Variants in KIFAP3 observed in about 807,000 individuals in gnomAD.
KIFAP3 encodes kinesin associated protein 3.
In KIFAP3, 68 loss-of-function variants were observed where a neutral mutation model predicts 106.5. That is an observed-to-expected ratio of 0.64 (90% CI 0.53 to 0.78). The LOEUF (loss-of-function observed/expected upper bound fraction) is 0.78. KIFAP3 is among the 30% of genes least tolerant of loss of function. The probability of loss-of-function intolerance (pLI) is 0.00; values close to 1 mark genes in which losing one functional copy is unlikely to be tolerated. For synonymous variants in KIFAP3, 320 were observed against 311.5 expected (o/e 1.03, Z -0.29); for missense variants, 780 against 941.8 (o/e 0.83, Z 2.25).
At chr1:169,967,324 C>T (rs1419128224) in intron 17 of KIFAP3, among the ~76,000 whole-genome samples, 1 of 151,584 alleles carries the variant, frequency 6.6e-6, no homozygotes, top group Non-Finnish European at 1.5e-5. Context: ...TTATTTTTTT[C>T]CCTTTTCCAT....
chr1:170,053,046 T>C (rs1670654326), intron 2 of KIFAP3, among the ~76,000 whole-genome samples: 1 of 152,158 alleles, frequency 6.6e-6, no homozygotes, highest in South Asian at 2.1e-4. Context: ...AGTGAAGAAG[T>C]CAAATTGTCT....
At chr1:169,922,655 C>T (rs1662889452) in intron 19 of KIFAP3, among the ~76,000 whole-genome samples, 1 of 152,108 alleles carries the variant, frequency 6.6e-6, no homozygotes, top group African/African-American at 2.4e-5. Context: ...TTTATTTTGC[C>T]AGGCAGAACA....
intron 10 of KIFAP3, among the ~76,000 whole-genome samples, chr1:170,000,966 T>A (rs535479598): frequency 1.3e-5 from 2 of 151,478 alleles, no homozygotes; most frequent in African/African-American, 4.8e-5. Flanking sequence ...TTTAAAAGTA[T>A]GAGAAACTAA....
intron 9 of KIFAP3, among the ~76,000 whole-genome samples, chr1:170,023,471 C>T (rs115758779): frequency 0.018 from 2,793 of 152,076 alleles, 72 homozygotes; most frequent in African/African-American, 0.063. Context: ...AAAAATTATC[C>T]TCAATGGAGT....
At chr1:170,001,642 T>C (rs1667674165) in intron 10 of KIFAP3, among the ~76,000 whole-genome samples, 2 of 152,140 alleles carry the variant, frequency 1.3e-5, no homozygotes, top group South Asian at 4.1e-4. Context: ...CTATGAGGAG[T>C]TGTGTTCTGA....
chr1:169,956,566 CTCTT>C (rs1665021256), intron 18 of KIFAP3, among the ~76,000 whole-genome samples: 1 of 149,502 alleles, frequency 6.7e-6, no homozygotes, highest in Non-Finnish European at 1.5e-5. Context: ...AATATGTCTA[CTCTT>C]ATGTGAATAA....
intron 19 of KIFAP3, among the ~76,000 whole-genome samples, chr1:169,953,301 A>G (rs1373329510): frequency 6.6e-6 from 1 of 152,164 alleles, no homozygotes; most frequent in East Asian, 1.9e-4. Flanking sequence ...CTAGGGAGGA[A>G]AAGTCTTCAA....
intron 19 of KIFAP3, among the ~76,000 whole-genome samples, chr1:169,924,162 T>G (rs1662992997): frequency 1.3e-5 from 2 of 152,212 alleles, no homozygotes; most frequent in Admixed American, 1.3e-4. Context: ...TCATGCACAT[T>G]GTTGATAAAA....
At chr1:169,954,836 A>G (rs1356402407) in intron 18 of KIFAP3, among the ~76,000 whole-genome samples, 1 of 152,132 alleles carries the variant, frequency 6.6e-6, no homozygotes, top group African/African-American at 2.4e-5. Flanking sequence ...TAGTATGCTT[A>G]TTATTCTTTG....
chr1:169,931,257 A>T (rs1663459666), intron 19 of KIFAP3, among the ~76,000 whole-genome samples: 1 of 152,186 alleles, frequency 6.6e-6, no homozygotes, highest in African/African-American at 2.4e-5. Flanking sequence ...CAAGGAAAAA[A>T]ATATAAATTT....
Position 170,065,024 on chromosome 1 carries a change from C to G in KIFAP3, c.32+9412G>C, listed in dbSNP as rs188639736. On this transcript the variant is annotated intron_variant, in intron 1 of 19. Coordinates refer to ENST00000361580, the MANE Select transcript of KIFAP3 (RefSeq NM_014970.4). ...GGAGTATCCTTTTTTTTCTAGACTT[C>G]TTGGAAGAGTTGTACATAATTGGAA... is the stretch of plus-strand genomic sequence containing the variant. 3.9e-5 allele frequency among the ~76,000 whole-genome samples: 6 copies of G among 151,964 alleles called. No individual in the cohort carries two copies. In the East Asian group the frequency reaches 1.2e-3, roughly 29 times the overall value.
At chr1:169,995,878 C>T (rs1667345293) in intron 10 of KIFAP3, among the ~76,000 whole-genome samples, 2 of 151,822 alleles carry the variant, frequency 1.3e-5, no homozygotes, top group Admixed American at 6.6e-5. Context: ...AAGGGAAATT[C>T]TCTAATTAAT....
chr1:169,991,111 G>T (rs747735542), intron 11 of KIFAP3, among the ~76,000 whole-genome samples: 1 of 152,012 alleles, frequency 6.6e-6, no homozygotes, highest in Non-Finnish European at 1.5e-5. Context: ...GGACAAGCGG[G>T]GGAAGATTAC....
At position 170,039,226 on chromosome 1, in the gene KIFAP3, G is replaced by A; in HGVS notation, c.375+7C>T. The A allele has an allele frequency of 1.9e-6, 3 of 1,578,516 alleles. No individual in the cohort carries two copies. Among genetic ancestry groups the A allele is most frequent in the Non-Finnish European group, 2.6e-6 (3 of 1,153,314 alleles). The stretch of plus-strand genomic sequence containing the variant: ...CCTCTATTAGATCAGAATGCATGCA[G>A]TCTTACCTCCATTCCTTCAAAAGGA... On this transcript the variant is annotated splice_region_variant and intron_variant, in intron 4 of 19. Transcript: ENST00000361580.
intron 10 of KIFAP3, among the ~76,000 whole-genome samples, chr1:169,995,459 T>G (rs920126064): frequency 6.6e-6 from 1 of 152,140 alleles, no homozygotes; most frequent in African/African-American, 2.4e-5. Flanking sequence ...TGTGGATAAG[T>G]CCTAGTCTTA....
Position 170,024,525 on chromosome 1 carries a change from C to T in KIFAP3, c.913G>A (p.Val305Ile). The change falls in exon 9 of 20, where the codon GTT (valine) becomes ATT (isoleucine). Residue 305 changes from valine (V) to isoleucine (I), a missense_variant. By Grantham distance (29) the Val-to-Ile change is conservative. Coordinates refer to ENST00000361580, the MANE Select transcript of KIFAP3 (RefSeq NM_014970.4). ...TCAAGGGCTTTCACCAACATGTGAA[C>T]TATGTTCTTGTTCCTCATTTTCAGT... ...TELKMRNKNI[V>I]HMLVKALDRD... 1.2e-6 allele frequency: 2 copies of T among 1,606,530 alleles called. No individual in the cohort carries two copies. Among genetic ancestry groups the T allele is most frequent in the South Asian group, 1.1e-5 (1 of 89,918 alleles).
chr1:170,062,126 A>C (rs1167516910), intron 1 of KIFAP3, among the ~76,000 whole-genome samples: 7 of 152,004 alleles, frequency 4.6e-5, no homozygotes, highest in Non-Finnish European at 1.0e-4. Flanking sequence ...ACAAACCTGC[A>C]CGTTGTGCAC....
chr1:169,962,843 TA>T (rs1285909855), intron 17 of KIFAP3, among the ~76,000 whole-genome samples: 1 of 152,208 alleles, frequency 6.6e-6, no homozygotes, highest in African/African-American at 2.4e-5. Flanking sequence ...AATGTACATT[TA>T]AAAAATATAT....
intron 16 of KIFAP3, among the ~76,000 whole-genome samples, chr1:169,976,576 A>G (rs917307294): frequency 2.6e-5 from 4 of 152,172 alleles, no homozygotes; most frequent in Non-Finnish European, 5.9e-5. Flanking sequence ...AACCATATTA[A>G]AAATATTTAT....
Sources: gnomAD v4.1 joint callset for allele counts (sites outside exome capture counted in the v4.1 genomes callset) on GRCh38, gnomAD v4.1.1 for gene constraint, MANE v1.5 for transcripts, NCBI Gene and HGNC (gene_info 2026-07-23, HGNC 2026-07-21) for gene names.